The following DRC2 variants were observed in gnomAD, a reference collection of about 807,000 sequenced individuals.
DRC2 encodes the protein dynein regulatory complex subunit 2, also known as coiled-coil domain containing 65.
At chr12:48,915,622 T>A in the DRC2 span, among the ~76,000 whole-genome samples, 4 of 152,104 alleles carry the variant, frequency 2.6e-5, no homozygotes, top group Admixed American at 6.6e-5. Context: ...CAATGAGCTG[T>A]TGGGCACACC....
the DRC2 span, chr12:48,918,660 C>G: frequency 1.8e-5 from 29 of 1,602,438 alleles, no homozygotes; most frequent in Non-Finnish European, 2.3e-5. Context: ...AAGTAGATTT[C>G]CCCTAATCTA....
the DRC2 span, chr12:48,918,349 T>C: frequency 6.2e-7 from 1 of 1,614,216 alleles, no homozygotes; most frequent in Non-Finnish European, 8.5e-7. Context: ...AGTTCCAGGA[T>C]GTACTCAAGA....
At chr12:48,916,864 C>T in the DRC2 span, 1 of 1,032,324 alleles carries the variant, frequency 9.7e-7, no homozygotes, top group South Asian at 1.7e-5. Flanking sequence ...TCCATCAGTA[C>T]CTAAGAGTTT....
At chr12:48,913,792 G>A in the DRC2 span, among the ~76,000 whole-genome samples, 1 of 151,816 alleles carries the variant, frequency 6.6e-6, no homozygotes, top group Non-Finnish European at 1.5e-5. Context: ...ACCGCACCCG[G>A]CATTTTTGTA....
At chr12:48,913,483 ATTATTTATTTAT>A in the DRC2 span, among the ~76,000 whole-genome samples, 3 of 148,678 alleles carry the variant, frequency 2.0e-5, no homozygotes, top group African/African-American at 4.9e-5. Flanking sequence ...TTGTATTTTT[ATTATTTATTTAT>A]TTATTTATTT....
At chr12:48,910,323 C>T in the DRC2 span, among the ~76,000 whole-genome samples, 3 of 152,218 alleles carry the variant, frequency 2.0e-5, no homozygotes, top group East Asian at 5.8e-4. Context: ...GAATCCTCAA[C>T]ATCCAGCACA....
the DRC2 span, chr12:48,914,442 C>A: frequency 6.2e-7 from 1 of 1,613,724 alleles, no homozygotes; most frequent in Non-Finnish European, 8.5e-7. Flanking sequence ...AGGAGCAGTA[C>A]GCCCATGCCC....
chr12:48,905,787 A>G, the DRC2 span, among the ~76,000 whole-genome samples: 1 of 151,864 alleles, frequency 6.6e-6, no homozygotes, highest in African/African-American at 2.4e-5. Flanking sequence ...TTATTTATTT[A>G]TTTGACATGG....
At chr12:48,910,889 A>G in the DRC2 span, among the ~76,000 whole-genome samples, 5 of 152,200 alleles carry the variant, frequency 3.3e-5, no homozygotes, top group African/African-American at 1.2e-4. Flanking sequence ...TACTAAGAAT[A>G]TGTAAATTAG....
chr12:48,921,003 A>G, the DRC2 span: 1 of 1,613,862 alleles, frequency 6.2e-7, no homozygotes, highest in Non-Finnish European at 8.5e-7. Context: ...CTGCCTTTTT[A>G]TTCATCAGTA....
At chr12:48,920,961 G>A in the DRC2 span, 2 of 1,613,640 alleles carry the variant, frequency 1.2e-6, no homozygotes, top group Non-Finnish European at 8.5e-7. Flanking sequence ...GCTGAAATAT[G>A]TAGGAAATTT....
the DRC2 span, chr12:48,921,037 G>A: frequency 8.8e-4 from 1,426 of 1,613,126 alleles, 13 homozygotes; most frequent in African/African-American, 0.017. Flanking sequence ...AGCAGGAGGG[G>A]ATTCAGAAGA....
the DRC2 span, chr12:48,920,799 C>T: frequency 1.4e-6 from 1 of 710,906 alleles, no homozygotes; most frequent in South Asian, 2.0e-5. Flanking sequence ...CCTCCATTTG[C>T]TATATGTATT....
At chr12:48,912,530 T>A in the DRC2 span, among the ~76,000 whole-genome samples, 4 of 150,450 alleles carry the variant, frequency 2.7e-5, no homozygotes, top group Non-Finnish European at 5.9e-5. Context: ...GAACAAGCAT[T>A]CTAAGGGGCG....
chr12:48,921,509 T>A, the DRC2 span: 1 of 1,488,138 alleles, frequency 6.7e-7, no homozygotes, highest in Non-Finnish European at 8.9e-7. Flanking sequence ...ATCTTTCAAC[T>A]CCTAGAGATT....
the DRC2 span, among the ~76,000 whole-genome samples, chr12:48,916,594 G>C: frequency 2.6e-5 from 4 of 151,948 alleles, no homozygotes; most frequent in African/African-American, 9.7e-5. Flanking sequence ...ACCGTGGAAA[G>C]AGAGGGAGAG....
the DRC2 span, chr12:48,918,807 A>T: frequency 5.6e-6 from 9 of 1,614,148 alleles, no homozygotes; most frequent in East Asian, 2.2e-5. Flanking sequence ...TTAAGGCCCA[A>T]AGAACTCAGG....
At chr12:48,915,105 A>ACTTT in the DRC2 span, among the ~76,000 whole-genome samples, 1 of 97,470 alleles carries the variant, frequency 1.0e-5, no homozygotes, top group African/African-American at 3.4e-5. Context: ...CCAACTACCC[A>ACTTT]CTTTCTTTCT....
chr12:48,921,359 T>C, the DRC2 span: 2 of 1,614,186 alleles, frequency 1.2e-6, no homozygotes, highest in East Asian at 4.5e-5. Context: ...ACCCACTCTT[T>C]ATAGTCAACT....
Sources: gnomAD v4.1 joint callset for allele counts (sites outside exome capture counted in the v4.1 genomes callset) on GRCh38, gnomAD v4.1.1 for gene constraint, MANE v1.5 for transcripts, NCBI Gene and HGNC (gene_info 2026-07-23, HGNC 2026-07-21) for gene names.